Variants in NFKB1 observed in about 807,000 individuals in gnomAD.
NFKB1 encodes nuclear factor kappa B subunit 1, also known as nuclear factor NF-kappa-B p105 subunit.
A neutral mutation model predicts 105.1 loss-of-function variants in NFKB1; 9 were observed. That is an observed-to-expected ratio of 0.09 (90% CI 0.05 to 0.15). The LOEUF is 0.15. Among genes scored for constraint, NFKB1 ranks in the 10% least tolerant of loss-of-function variants. The pLI, the probability that NFKB1 is intolerant of heterozygous loss-of-function variation, is 1.00. For synonymous variants in NFKB1, 440 were observed against 442.2 expected (o/e 1.00, Z 0.06); for missense variants, 830 against 1,203.7 (o/e 0.69, Z 4.59).
intron 2 of NFKB1, among the ~76,000 whole-genome samples, chr4:102,528,485 G>A (rs569140962): frequency 5.3e-4 from 81 of 152,024 alleles, no homozygotes; most frequent in Non-Finnish European, 8.1e-4. Flanking sequence ...CTAGGCATAC[G>A]AAGATCTTCA....
intron 1 of NFKB1, among the ~76,000 whole-genome samples, chr4:102,516,323 A>C (rs1740180318): frequency 6.6e-6 from 1 of 151,362 alleles, no homozygotes; most frequent in African/African-American, 2.4e-5. Context: ...AAAAATTCTC[A>C]ACTGTTATTT....
At chr4:102,515,101 A>ATTT (rs1320060448) in intron 1 of NFKB1, among the ~76,000 whole-genome samples, 82 of 117,356 alleles carry the variant, frequency 7.0e-4, no homozygotes, top group Non-Finnish European at 1.0e-3. Flanking sequence ...TATTATTATT[A>ATTT]TTATTATTTT....
At chr4:102,502,390 G>GCGCACACACACACA (rs1311577382) in intron 1 of NFKB1, among the ~76,000 whole-genome samples, 182 of 105,384 alleles carry the variant, frequency 1.7e-3, no homozygotes, top group African/African-American at 6.7e-3. Flanking sequence ...GCGCGCGCGC[G>GCGCACACACACACA]CACACACACA....
At chr4:102,564,562 G>A (rs1254216344) in intron 5 of NFKB1, among the ~76,000 whole-genome samples, 1 of 152,198 alleles carries the variant, frequency 6.6e-6, no homozygotes, top group African/African-American at 2.4e-5. Flanking sequence ...GTCACTGGCA[G>A]CATGTTCAGC....
At chr4:102,513,334 A>T (rs901201566) in intron 1 of NFKB1, among the ~76,000 whole-genome samples, 1 of 152,260 alleles carries the variant, frequency 6.6e-6, no homozygotes, top group Non-Finnish European at 1.5e-5. Context: ...GAACTTCTCT[A>T]GCTCTACAAG....
chr4:102,593,607 T>G (rs1726360101), intron 12 of NFKB1, 39 bp downstream of exon 12: 1 of 1,584,786 alleles, frequency 6.3e-7, no homozygotes, highest in Admixed American at 1.8e-5. Flanking sequence ...TTTTTCATAT[T>G]GGAGAGGGTA....
At chr4:102,536,876 G>T (rs1368867576) in intron 4 of NFKB1, among the ~76,000 whole-genome samples, 1 of 152,158 alleles carries the variant, frequency 6.6e-6, no homozygotes, top group Non-Finnish European at 1.5e-5. Context: ...AAGCGACTAT[G>T]TGGTTATAAA....
rs542702454 is a variant in NFKB1, at chr4:102,559,581, ATAT to A, written c.259-7402_259-7400del. On this transcript the variant is annotated intron_variant, in intron 5 of 23. Transcript: ENST00000226574. ...GATATTTTTTTGAAGATTTGAATTA[ATAT>A]TATATATATTATACTTTAAAGAAGA... Among the ~76,000 whole-genome samples, 343 of 152,156 alleles carry A rather than the reference ATAT, an allele frequency of 2.3e-3. 1 individual carries two copies. The highest frequency in any genetic ancestry group is 8.1e-3 in the African/African-American group (336 of 41,518).
At chr4:102,530,270 GGCC>G (rs1560646042) in intron 3 of NFKB1, among the ~76,000 whole-genome samples, 1 of 151,926 alleles carries the variant, frequency 6.6e-6, no homozygotes, top group Non-Finnish European at 1.5e-5. Context: ...CATTTAAGAG[GGCC>G]TGTTGTGTAC....
intron 10 of NFKB1, among the ~76,000 whole-genome samples, 155 bp from the exon 11 acceptor site, chr4:102,584,527 T>C (rs1725563707): frequency 6.6e-6 from 1 of 152,204 alleles, no homozygotes; most frequent in Non-Finnish European, 1.5e-5. Flanking sequence ...AATTCTGAGT[T>C]TGGAACTTTC....
At chr4:102,507,437 T>G (rs1168497718) in intron 1 of NFKB1, among the ~76,000 whole-genome samples, 6 of 152,198 alleles carry the variant, frequency 3.9e-5, no homozygotes, top group South Asian at 2.1e-4. Flanking sequence ...TTCTTTGAGA[T>G]GAACCTTTTT....
At chr4:102,579,605 C>A (rs1388922102) in intron 8 of NFKB1, among the ~76,000 whole-genome samples, 1 of 145,028 alleles carries the variant, frequency 6.9e-6, no homozygotes, top group African/African-American at 2.6e-5. Flanking sequence ...GAGTTTCAGC[C>A]CAGCATGAGC....
In NFKB1 at chr4:102,512,852, A is replaced by G. The variant is rs117313051; in HGVS notation, c.-8+11064A>G. ...CCAAACATTGCTGGTTCACATAATG[A>G]CTCTTTTTCTTTTAAAACATAAAGG... On this transcript the variant is annotated intron_variant, in intron 1 of 23. Coordinates refer to ENST00000226574, the MANE Select transcript of NFKB1 (RefSeq NM_003998.4). 3.4e-4 allele frequency among the ~76,000 whole-genome samples: 52 copies of G among 152,134 alleles called. No homozygotes were observed. The East Asian group carries it at 9.9e-3, about 29-fold the overall frequency.
chr4:102,556,001 A>G (rs970894630), intron 5 of NFKB1, among the ~76,000 whole-genome samples: 1 of 152,176 alleles, frequency 6.6e-6, no homozygotes, highest in Non-Finnish European at 1.5e-5. Flanking sequence ...AAGCTAAGAT[A>G]GATAAACTAA....
intron 19 of NFKB1, among the ~76,000 whole-genome samples, chr4:102,608,347 C>G (rs929522716): frequency 1.4e-4 from 22 of 152,182 alleles, no homozygotes; most frequent in African/African-American, 4.3e-4. Flanking sequence ...TATTCCCCAT[C>G]TTAGAGTCAA....
intron 6 of NFKB1, among the ~76,000 whole-genome samples, chr4:102,575,614 C>CG (rs1724756391): frequency 6.6e-6 from 1 of 152,116 alleles, no homozygotes; most frequent in Non-Finnish European, 1.5e-5. Context: ...GAATTTTGTA[C>CG]TTACTGTTCC....
intron 15 of NFKB1, among the ~76,000 whole-genome samples, chr4:102,598,652 T>C (rs920723750): frequency 6.6e-6 from 1 of 152,232 alleles, no homozygotes; most frequent in Non-Finnish European, 1.5e-5. Flanking sequence ...GAATTCTTTT[T>C]CAGGGTTAAA....
intron 2 of NFKB1, among the ~76,000 whole-genome samples, chr4:102,528,422 A>G (rs1741067006): frequency 6.6e-6 from 1 of 152,132 alleles, no homozygotes; most frequent in African/African-American, 2.4e-5. Flanking sequence ...CATCCCTCAA[A>G]TGGATCTGAA....
At chr4:102,549,867 A>T (rs555099821) in intron 5 of NFKB1, among the ~76,000 whole-genome samples, 1 of 152,240 alleles carries the variant, frequency 6.6e-6, no homozygotes, top group South Asian at 2.1e-4. Context: ...CACTTTTTTC[A>T]GAAACTAATT....
Sources: allele counts gnomAD v4.1 joint callset (sites outside exome capture counted in the v4.1 genomes callset), GRCh38; gene constraint gnomAD v4.1.1; transcripts MANE v1.5; gene names NCBI Gene and HGNC (gene_info 2026-07-23, HGNC 2026-07-21).